The following IGF1R variants were observed in gnomAD, a reference collection of about 807,000 sequenced individuals.
IGF1R encodes the protein insulin-like growth factor 1 receptor.
In IGF1R, 44 loss-of-function variants were observed where a neutral mutation model predicts 144.6. That is an observed-to-expected ratio of 0.30 (90% confidence interval 0.24 to 0.39). The LOEUF (loss-of-function observed/expected upper bound fraction) is 0.39. IGF1R is among the 10% of genes least tolerant of loss of function. The pLI, the probability that IGF1R is intolerant of heterozygous loss-of-function variation, is 1.00. For missense variants in IGF1R, 1,355 were observed against 1,833.7 expected (o/e 0.74, Z 4.77); for synonymous variants, 795 against 722.8 (o/e 1.10, Z -1.60).
At position 98,922,507 on chromosome 15, in the gene IGF1R, G is replaced by T. The variant is rs566214676; in HGVS notation, c.2485+76G>T. On this transcript the variant is annotated intron_variant, in intron 11 of 20. Coordinates refer to ENST00000650285, the MANE Select transcript of IGF1R (RefSeq NM_000875.5). The stretch of plus-strand genomic sequence containing the variant: ...GAGAAGATGTGTTTTATGGACACAG[G>T]GTCTGACACCCAGGGCCATGACCCT... 4 of 1,536,694 alleles carry T rather than the reference G, an allele frequency of 2.6e-6. No homozygotes were observed. In the African/African-American group the frequency reaches 5.4e-5, roughly 21 times the overall value.
At chr15:98,952,939 T>C (rs773309801) in intron 20 of IGF1R, 2 of 152,212 alleles carry the variant, frequency 1.3e-5, no homozygotes, top group Non-Finnish European at 2.9e-5. Context: ...CTTGGTTTCA[T>C]AGGGAGTGTC....
intron 2 of IGF1R, among the ~76,000 whole-genome samples, chr15:98,737,750 G>C (rs1313170629): frequency 6.6e-6 from 1 of 152,164 alleles, no homozygotes; most frequent in Non-Finnish European, 1.5e-5. Flanking sequence ...AGATGATGAG[G>C]TAGAGTGGAG....
chr15:98,653,011 A>G (rs1287730720), intron 1 of IGF1R, among the ~76,000 whole-genome samples: 2 of 151,188 alleles, frequency 1.3e-5, no homozygotes, highest in African/African-American at 2.4e-5. Flanking sequence ...TAAAATTATT[A>G]CATACATTTG....
intron 2 of IGF1R, among the ~76,000 whole-genome samples, chr15:98,731,090 A>G (rs775623913): frequency 1.3e-5 from 2 of 152,248 alleles, no homozygotes; most frequent in Non-Finnish European, 2.9e-5. Context: ...AAAAGGCCCT[A>G]TGAGATCCAA....
At chr15:98,657,380 A>G (rs2052511447) in intron 1 of IGF1R, among the ~76,000 whole-genome samples, 1 of 152,238 alleles carries the variant, frequency 6.6e-6, no homozygotes, top group Non-Finnish European at 1.5e-5. Flanking sequence ...CTAAGTCATT[A>G]GCTATTAATT....
intron 2 of IGF1R, among the ~76,000 whole-genome samples, chr15:98,859,189 T>G (rs1038704443): frequency 6.6e-6 from 1 of 152,170 alleles, no homozygotes; most frequent in African/African-American, 2.4e-5. Flanking sequence ...GAGATCGGTG[T>G]AAAAATTCAG....
At chr15:98,823,947 G>A (rs1361455543) in intron 2 of IGF1R, among the ~76,000 whole-genome samples, 1 of 152,158 alleles carries the variant, frequency 6.6e-6, no homozygotes, top group Non-Finnish European at 1.5e-5. Flanking sequence ...CTAAAATTAA[G>A]CAACATTATT....
chr15:98,755,481 C>G (rs2141342388), intron 2 of IGF1R, among the ~76,000 whole-genome samples: 1 of 152,000 alleles, frequency 6.6e-6, no homozygotes, highest in East Asian at 1.9e-4. Flanking sequence ...TGGCTCATGC[C>G]TGTAATCCCG....
intron 2 of IGF1R, among the ~76,000 whole-genome samples, chr15:98,833,148 G>A (rs2057032233): frequency 6.6e-6 from 1 of 152,138 alleles, no homozygotes; most frequent in East Asian, 1.9e-4. Context: ...AACATGATGT[G>A]GTGAATGAAC....
intron 13 of IGF1R, among the ~76,000 whole-genome samples, chr15:98,929,003 A>G (rs189665264): frequency 8.5e-5 from 13 of 152,334 alleles, no homozygotes; most frequent in East Asian, 3.9e-4. Context: ...TAGACTGTAC[A>G]TAGATGTAAG....
intron 1 of IGF1R, among the ~76,000 whole-genome samples, chr15:98,705,009 G>T (rs966521475): frequency 6.8e-6 from 1 of 147,888 alleles, no homozygotes; most frequent in African/African-American, 2.5e-5. Flanking sequence ...TATGTGGGGG[G>T]ATGAGTGAGT....
chr15:98,649,966 G>A (rs1029920972), intron 1 of IGF1R, among the ~76,000 whole-genome samples: 4 of 152,194 alleles, frequency 2.6e-5, no homozygotes, highest in African/African-American at 7.2e-5. Flanking sequence ...TAGGCGCGAG[G>A]ACTCGGTAGG....
intron 1 of IGF1R, among the ~76,000 whole-genome samples, chr15:98,698,533 G>A (rs1244543063): frequency 6.6e-6 from 1 of 152,216 alleles, no homozygotes; most frequent in Non-Finnish European, 1.5e-5. Context: ...CCTATGAGCA[G>A]AATCCGCAGG....
At chr15:98,888,438 A>AGAGAGAGAGTGTGTGTGTGTGT (rs1555457179) in intron 2 of IGF1R, among the ~76,000 whole-genome samples, 2 of 143,454 alleles carry the variant, frequency 1.4e-5, no homozygotes, top group African/African-American at 5.2e-5. Flanking sequence ...AGAGAGAGAG[A>AGAGAGAGAGTGTGTGTGTGTGT]GTGTGTGTGT....
At chr15:98,828,951 AC>A (rs1211921639) in intron 2 of IGF1R, among the ~76,000 whole-genome samples, 1 of 152,114 alleles carries the variant, frequency 6.6e-6, no homozygotes, top group Non-Finnish European at 1.5e-5. Flanking sequence ...CTACTTGAGA[AC>A]AACTACTTTC....
intron 15 of IGF1R, among the ~76,000 whole-genome samples, chr15:98,934,298 G>T (rs1045510736): frequency 6.6e-6 from 1 of 151,996 alleles, no homozygotes; most frequent in African/African-American, 2.4e-5. Context: ...AGGACCTTAC[G>T]TGCACCATCA....
At chr15:98,929,776 C>T (rs1358659454) in intron 14 of IGF1R, 116 bp downstream of exon 14, 3 of 763,756 alleles carry the variant, frequency 3.9e-6, no homozygotes, top group Non-Finnish European at 4.7e-6. Context: ...ACTGGAAAAC[C>T]TGATTTTCCC....
intron 2 of IGF1R, among the ~76,000 whole-genome samples, chr15:98,754,960 T>G (rs1167178048): frequency 1.3e-5 from 2 of 152,208 alleles, no homozygotes; most frequent in Non-Finnish European, 2.9e-5. Flanking sequence ...AAATATTGTG[T>G]GCCTAGAAGG....
rs113798740 is a variant in IGF1R at position 98,919,814 on chromosome 15, G to A, written c.2202-2334G>A. 3.0e-3 allele frequency among the ~76,000 whole-genome samples: 457 copies of A among 152,338 alleles called. 1 individual carries two copies. Among genetic ancestry groups the A allele is most frequent in the Non-Finnish European group, 5.2e-3 (354 of 68,040 alleles). The stretch of plus-strand genomic sequence containing the variant: ...TCCAGGTGAAGGAGTGTCCAGCAGA[G>A]AGAATGACTGAATCACAGAGGCTGG... On this transcript the variant is annotated intron_variant, in intron 10 of 20. Coordinates refer to ENST00000650285, the MANE Select transcript of IGF1R (RefSeq NM_000875.5).
Sources: allele counts gnomAD v4.1 joint callset (sites outside exome capture counted in the v4.1 genomes callset), GRCh38; gene constraint gnomAD v4.1.1; transcripts MANE v1.5; gene names NCBI Gene and HGNC (gene_info 2026-07-23, HGNC 2026-07-21).